Variants in SLC4A8 observed in about 807,000 individuals in gnomAD.
The protein encoded by SLC4A8 is electroneutral sodium bicarbonate exchanger 1.
A neutral mutation model predicts 125.0 loss-of-function variants in SLC4A8; 40 were observed. That is an observed-to-expected ratio of 0.32 (90% confidence interval 0.25 to 0.42). SLC4A8 has a LOEUF of 0.42. Ranked by LOEUF, SLC4A8 falls within the 10% of genes least tolerant of loss-of-function variation. The pLI is 1.00. For missense variants in SLC4A8, 863 were observed against 1,355.1 expected (o/e 0.64, Z 5.70); for synonymous variants, 456 against 476.0 (o/e 0.96, Z 0.55).
At chr12:51,400,769 TATATATATACATACATAC>T (rs1244304883) in intron 1 of SLC4A8, among the ~76,000 whole-genome samples, 334 of 6,144 alleles carry the variant, frequency 0.054, 40 homozygotes, top group East Asian at 0.15. Flanking sequence ...TATATATATA[TATATATATACATACATAC>T]ACACACACAC....
chr12:51,460,244 A>G, intron 8 of SLC4A8, 136 bp downstream of exon 8: 1 of 788,422 alleles, frequency 1.3e-6, no homozygotes. Context: ...CAGAAAAGCC[A>G]GATGTGCTGG....
At chr12:51,487,967 A>C (rs1951204929) in intron 17 of SLC4A8, among the ~76,000 whole-genome samples, 1 of 152,204 alleles carries the variant, frequency 6.6e-6, no homozygotes, top group Non-Finnish European at 1.5e-5. Context: ...GAAGTCATTA[A>C]ATTTTTTTGA....
chr12:51,424,771 G>T (rs937683532), upstream of SLC4A8: 1 of 534,788 alleles, frequency 1.9e-6, no homozygotes, highest in Non-Finnish European at 3.3e-6. Flanking sequence ...GCGTCCTCCC[G>T]TGCTCCGCGC....
chr12:51,395,630 G>A (rs972342657), intron 1 of SLC4A8, among the ~76,000 whole-genome samples: 3 of 152,172 alleles, frequency 2.0e-5, no homozygotes, highest in Non-Finnish European at 4.4e-5. Flanking sequence ...GGGAGGTGCT[G>A]GCTCCACTTA....
chr12:51,435,130 A>G (rs927730558), intron 1 of SLC4A8, among the ~76,000 whole-genome samples: 2 of 152,168 alleles, frequency 1.3e-5, no homozygotes, highest in East Asian at 3.8e-4. Flanking sequence ...GCTTGATCAG[A>G]TTCAGGGACA....
At chr12:51,459,261 G>A (rs1421595643) in intron 7 of SLC4A8, among the ~76,000 whole-genome samples, 1 of 152,136 alleles carries the variant, frequency 6.6e-6, no homozygotes, top group Admixed American at 6.5e-5. Flanking sequence ...TGAAACCCCC[G>A]ACAAAACATT....
At position 51,505,984 on chromosome 12, in the gene SLC4A8, C is replaced by T. The variant is rs57024323; in HGVS notation, c.3269+54C>T. The T allele has an allele frequency of 0.021, 17,373 of 816,618 alleles. 891 individuals carry two copies. Among genetic ancestry groups the T allele is most frequent in the African/African-American group, 0.13 (7,762 of 58,088 alleles). 50.6% of individuals were successfully genotyped at this position (816,618 alleles called of 1,614,324 possible). ...ATTTATTTCTGGCTTTTGACAATGG[C>T]GATATTGAAGGTAAAATGTGTTTTA... is the stretch of plus-strand genomic sequence containing the variant. On this transcript the variant is annotated intron_variant, in intron 24 of 24. Transcript: ENST00000453097.
At chr12:51,480,469 C>T in intron 16 of SLC4A8, 2 of 1,082,788 alleles carry the variant, frequency 1.8e-6, no homozygotes. Context: ...GTTAGGAGTC[C>T]TCTGTGTGAG....
chr12:51,444,751 C>T (rs972579782), intron 2 of SLC4A8, among the ~76,000 whole-genome samples: 1 of 152,180 alleles, frequency 6.6e-6, no homozygotes, highest in Non-Finnish European at 1.5e-5. Flanking sequence ...GACTAGCCAT[C>T]ATCTGGACAA....
At chr12:51,462,037 G>T (rs1950342149) in intron 9 of SLC4A8, 2 of 305,532 alleles carry the variant, frequency 6.5e-6, no homozygotes, top group Non-Finnish European at 1.2e-5. Flanking sequence ...ATCCTTTGTG[G>T]AGATAACATA....
chr12:51,493,402 GTGTT>G (rs905632251), intron 19 of SLC4A8, among the ~76,000 whole-genome samples: 7 of 152,052 alleles, frequency 4.6e-5, no homozygotes, highest in African/African-American at 9.7e-5. Context: ...GTGTGTGTGT[GTGTT>G]TGTGTGTGTG....
At chr12:51,484,691 C>T (rs532118715) in intron 16 of SLC4A8, among the ~76,000 whole-genome samples, 6 of 152,250 alleles carry the variant, frequency 3.9e-5, no homozygotes, top group South Asian at 2.1e-4. Flanking sequence ...AAGGCAGGCA[C>T]GGGTCATTTG....
chr12:51,453,429 T>A (rs1025064528), intron 4 of SLC4A8, 110 bp from the exon 5 acceptor site: 3 of 1,103,288 alleles, frequency 2.7e-6, no homozygotes, highest in Non-Finnish European at 2.6e-6. Context: ...GATTTTACAA[T>A]GTTCAGTATG....
At chr12:51,482,896 C>T (rs1164873203) in intron 16 of SLC4A8, among the ~76,000 whole-genome samples, 5 of 152,084 alleles carry the variant, frequency 3.3e-5, no homozygotes, top group Admixed American at 6.6e-5. Context: ...ATGTAAGACC[C>T]CAAGTAAAAA....
At chr12:51,406,247 T>G (rs199671136) in intron 1 of SLC4A8, among the ~76,000 whole-genome samples, 1 of 152,192 alleles carries the variant, frequency 6.6e-6, no homozygotes, top group East Asian at 1.9e-4. Context: ...CAACTGCAAA[T>G]AAAATTATCC....
At chr12:51,497,631 T>G (rs1016527689) in intron 22 of SLC4A8, 2 of 152,794 alleles carry the variant, frequency 1.3e-5, no homozygotes, top group Admixed American at 1.3e-4. Flanking sequence ...AAAGAAAGAA[T>G]GTGTAGCAAA....
At chr12:51,484,629 A>T (rs191324726) in intron 16 of SLC4A8, among the ~76,000 whole-genome samples, 1 of 152,272 alleles carries the variant, frequency 6.6e-6, no homozygotes, top group Non-Finnish European at 1.5e-5. Flanking sequence ...TACCGGTGAT[A>T]TTACGTGTGG....
intron 1 of SLC4A8, among the ~76,000 whole-genome samples, chr12:51,426,458 GAT>G (rs1245664064): frequency 6.6e-6 from 1 of 152,170 alleles, no homozygotes; most frequent in Non-Finnish European, 1.5e-5. Context: ...CATAAACTGT[GAT>G]AAATGCTTTG....
chr12:51,448,970 A>G (rs962289285), intron 2 of SLC4A8, among the ~76,000 whole-genome samples: 2 of 152,150 alleles, frequency 1.3e-5, no homozygotes, highest in African/African-American at 4.8e-5. Context: ...AAGTCAGGAG[A>G]AACCTATGGC....
Sources: allele counts gnomAD v4.1 joint callset (sites outside exome capture counted in the v4.1 genomes callset), GRCh38; gene constraint gnomAD v4.1.1; transcripts MANE v1.5; gene names NCBI Gene and HGNC (gene_info 2026-07-23, HGNC 2026-07-21).